The following AP3M1 variants were observed in gnomAD, a reference collection of about 807,000 sequenced individuals.
The protein encoded by AP3M1 is adaptor related protein complex 3 subunit mu 1.
Under a neutral mutation model 42.6 loss-of-function variants are expected in AP3M1, and 29 were observed. That is an observed-to-expected ratio of 0.68 (90% CI 0.51 to 0.93). AP3M1 has a LOEUF of 0.93. Among genes scored for constraint, AP3M1 ranks in the 40% least tolerant of loss-of-function variants. AP3M1 has a pLI of 0.00. For synonymous variants in AP3M1, 178 were observed against 175.3 expected, an observed-to-expected ratio of 1.02 and a Z score of -0.12; for missense variants, 416 against 510.2, an observed-to-expected ratio of 0.82 and a Z score of 1.78.
intron 1 of AP3M1, among the ~76,000 whole-genome samples, chr10:74,140,510 C>T (rs1841111696): frequency 6.6e-6 from 1 of 152,068 alleles, no homozygotes; most frequent in African/African-American, 2.4e-5. Context: ...GTCTGAAATG[C>T]TTCATCTACA....
intron 1 of AP3M1, among the ~76,000 whole-genome samples, chr10:74,144,118 C>T (rs1299590192): frequency 2.6e-5 from 4 of 151,974 alleles, no homozygotes; most frequent in Non-Finnish European, 4.4e-5. Flanking sequence ...CCCGCCACCA[C>T]GCCTGGCTAA....
intron 3 of AP3M1, among the ~76,000 whole-genome samples, chr10:74,135,640 T>C (rs539040572): frequency 6.8e-4 from 103 of 152,374 alleles, no homozygotes; most frequent in African/African-American, 2.4e-3. Flanking sequence ...AGTTTTGTGC[T>C]GACTTTTCAA....
At chr10:74,129,041 GA>G in intron 6 of AP3M1, 66 bp downstream of exon 6, 2 of 1,579,894 alleles carry the variant, frequency 1.3e-6, no homozygotes, top group Non-Finnish European at 1.7e-6. Context: ...CTTTCAGAAA[GA>G]AACAGGGAAA....
At position 74,129,934 on chromosome 10, in the gene AP3M1, T is replaced by A. The variant is rs752098384; in HGVS notation, c.642A>T (p.Gly214=). 1.9e-6 allele frequency: 3 copies of A among 1,613,480 alleles called. No individual in the cohort carries two copies. The change falls in exon 5 of 9, where the codon GGA becomes GGT. Residue 214 remains glycine, a synonymous_variant. Coordinates refer to ENST00000355264, the MANE Select transcript of AP3M1 (RefSeq NM_012095.6). ...TGAAAGAAAGGGAGAGATCAGGCAT[T>A]CCAGATAGTTTAATGCAAGCATCAA... The part of the protein sequence containing the change: ...GVIDACIKLS[G]MPDLSLSFMN...
rs1278431009 is a variant in AP3M1, at chr10:74,122,064, A to C, written c.*1746T>G. ...GGTACGAACTCTGAAGAGTCAAGAC[A>C]TTAAAAATAAAAAGCAATTGAACCG... On this transcript the variant is annotated 3_prime_UTR_variant, in exon 9 of 9. Coordinates refer to ENST00000355264, the MANE Select transcript of AP3M1 (RefSeq NM_012095.6). 6.6e-6 allele frequency: 1 copy of C among 152,236 alleles called. No individual in the cohort carries two copies. Among genetic ancestry groups the C allele is most frequent in the Non-Finnish European group, 1.5e-5 (1 of 68,040 alleles). 9.4% of individuals were successfully genotyped at this position (152,236 alleles called of 1,614,324 possible).
chr10:74,131,206 C>T (rs1840771255), intron 4 of AP3M1, among the ~76,000 whole-genome samples: 1 of 151,840 alleles, frequency 6.6e-6, no homozygotes, highest in Non-Finnish European at 1.5e-5. Context: ...CTCTGTCACC[C>T]AGGCTGGATG....
chr10:74,131,538 T>A (rs1338410207), intron 4 of AP3M1, among the ~76,000 whole-genome samples: 1 of 151,876 alleles, frequency 6.6e-6, no homozygotes, highest in Non-Finnish European at 1.5e-5. Context: ...ATAGGATCCA[T>A]AATAGAAAGA....
Position 74,129,198 on chromosome 10 carries a change from C to A in AP3M1, c.713G>T (p.Arg238Leu), listed in dbSNP as rs754090301. The change falls in exon 6 of 9, where the codon CGG (arginine) becomes CTG (leucine). Residue 238 changes from arginine (R) to leucine (L), a missense_variant. Transcript: ENST00000355264. ...TCTTTCAGATTCCCAACGCTTGAAC[C>A]GGATGCAGGGGTGAAAGCTGACATC... The part of the protein sequence containing the change: ...LDDVSFHPCI[R>L]FKRWESERVL... 12 of 1,613,962 alleles carry A rather than the reference C, an allele frequency of 7.4e-6. No individual in the cohort carries two copies. Among genetic ancestry groups the A allele is most frequent in the Non-Finnish European group, 1.0e-5 (12 of 1,180,018 alleles).
chr10:74,126,386 G>C (rs373835552), intron 6 of AP3M1, 31 bp from the exon 7 acceptor site: 21 of 1,578,626 alleles, frequency 1.3e-5, no homozygotes, highest in Non-Finnish European at 1.8e-5. Context: ...AGATACAAAA[G>C]CACAAACACA....
At chr10:74,131,091 G>A (rs1840766583) in intron 4 of AP3M1, among the ~76,000 whole-genome samples, 2 of 152,104 alleles carry the variant, frequency 1.3e-5, no homozygotes, top group African/African-American at 4.8e-5. Flanking sequence ...CAGCCTGGGC[G>A]ACAATGTGAG....
chr10:74,124,548 A>G (rs747185771), intron 7 of AP3M1, 24 bp from the exon 8 acceptor site: 1 of 1,561,500 alleles, frequency 6.4e-7, no homozygotes, highest in Non-Finnish European at 8.6e-7. Context: ...AAAATGAAAA[A>G]CAAATAGAAC....
At chr10:74,130,108 T>G (rs1306783313) in intron 4 of AP3M1, 116 bp from the exon 5 acceptor site, 4 of 771,340 alleles carry the variant, frequency 5.2e-6, no homozygotes, top group Non-Finnish European at 6.3e-6. Flanking sequence ...TCTTGCTCTG[T>G]TGCCAAGGTT....
chr10:74,140,047 G>A (rs545115229), intron 1 of AP3M1, among the ~76,000 whole-genome samples: 49 of 152,306 alleles, frequency 3.2e-4, no homozygotes, highest in African/African-American at 8.9e-4. Flanking sequence ...ACGGGGTGGG[G>A]TGCGCCATTC....
chr10:74,138,808 G>T (rs1176716026), intron 1 of AP3M1: 2 of 163,554 alleles, frequency 1.2e-5, no homozygotes, highest in African/African-American at 4.8e-5. Flanking sequence ...GCACTTGCCT[G>T]TAGTCCTAGG....
rs1840535162 is a variant in AP3M1 at position 74,123,703 on chromosome 10, CA to C, written c.*106del. The C allele has an allele frequency of 1.3e-5, 11 of 856,558 alleles. No homozygotes were observed. Among genetic ancestry groups the C allele is most frequent in the Non-Finnish European group, 2.2e-5 (11 of 511,538 alleles). 53.1% of individuals were successfully genotyped at this position (856,558 alleles called of 1,614,324 possible). ...TTTGTTAGCGGTGTGTAGCTAGACA[CA>C]AATGCTTTAACTAGAATATGTATTC... On this transcript the variant is annotated 3_prime_UTR_variant, in exon 9 of 9. Coordinates refer to ENST00000355264, the MANE Select transcript of AP3M1 (RefSeq NM_012095.6).
intron 1 of AP3M1, among the ~76,000 whole-genome samples, chr10:74,149,286 T>G (rs1445561895): frequency 4.1e-4 from 40 of 98,310 alleles, no homozygotes; most frequent in Non-Finnish European, 6.1e-4. Context: ...TTTTTTTTTT[T>G]TTTTTTTTTT....
chr10:74,133,731 T>C (rs10824079), intron 4 of AP3M1, among the ~76,000 whole-genome samples: 76,242 of 149,906 alleles, frequency 0.51, 20,315 homozygotes, highest in Middle Eastern at 0.59. Flanking sequence ...CTTGTCTCAT[T>C]GCAACCTCTG....
chr10:74,148,716 C>G (rs1027129623), intron 1 of AP3M1, among the ~76,000 whole-genome samples: 1 of 151,998 alleles, frequency 6.6e-6, no homozygotes, highest in African/African-American at 2.4e-5. Context: ...GCCACAAAGC[C>G]TGGCTAATGT....
At position 74,124,364 on chromosome 10, in the gene AP3M1, T is replaced by G; in HGVS notation, c.1156+16A>C. The G allele has an allele frequency of 6.3e-7, 1 of 1,585,474 alleles. No individual in the cohort carries two copies. The highest frequency in any genetic ancestry group is 8.5e-7 in the Non-Finnish European group (1 of 1,171,080). The stretch of plus-strand genomic sequence containing the variant: ...AAACTCAATTACCCTTAACTACAAG[T>G]CAACCTTATCCTTACCTGAAATAGC... On this transcript the variant is annotated intron_variant, in intron 8 of 8. Coordinates refer to ENST00000355264, the MANE Select transcript of AP3M1 (RefSeq NM_012095.6).
Sources: gnomAD v4.1 joint callset for allele counts (sites outside exome capture counted in the v4.1 genomes callset) on GRCh38, gnomAD v4.1.1 for gene constraint, MANE v1.5 for transcripts, NCBI Gene and HGNC (gene_info 2026-07-23, HGNC 2026-07-21) for gene names.